NRP1: variants seen among roughly 807,000 people sequenced by gnomAD.
The protein encoded by NRP1 is neuropilin-1.
Under a neutral mutation model 106.7 loss-of-function variants are expected in NRP1, and 35 were observed. The observed-to-expected ratio is 0.33, with a 90% CI of 0.25 to 0.43. NRP1 has a LOEUF of 0.43. Ranked by LOEUF, NRP1 falls within the 20% of genes least tolerant of loss-of-function variation. NRP1 has a pLI of 1.00. For missense variants in NRP1, 1,024 were observed against 1,170.4 expected, an observed-to-expected ratio of 0.87 and a Z score of 1.83; for synonymous variants, 437 against 417.9, an observed-to-expected ratio of 1.05 and a Z score of -0.56.
At chr10:33,266,106 A>T (rs2133262006) in intron 3 of NRP1, among the ~76,000 whole-genome samples, 1 of 152,298 alleles carries the variant, frequency 6.6e-6, no homozygotes, top group South Asian at 2.1e-4. Flanking sequence ...GGTTTCATGC[A>T]GATACTAATA....
chr10:33,297,007 TA>T (rs1443814095), intron 2 of NRP1, among the ~76,000 whole-genome samples: 1 of 151,806 alleles, frequency 6.6e-6, no homozygotes, highest in East Asian at 1.9e-4. Context: ...AAAAAAAGAA[TA>T]AAAAACCAAT....
In NRP1 at chr10:33,263,697, C is replaced by A; in HGVS notation, c.607G>T (p.Gly203Trp). The A allele has an allele frequency of 6.2e-7, 1 of 1,614,098 alleles. No homozygotes were observed. The highest frequency in any genetic ancestry group is 1.1e-5 in the South Asian group (1 of 91,078). ...AGCCGGTCGTAGCGACAGAACATCC[C>A]CCCTGGAGGATTTGAGTCAGGCTCC... ...DLEPDSNPPG[G>W]MFCRYDRLEI... The change falls in exon 4 of 17, where the codon GGG (glycine) becomes TGG (tryptophan). Residue 203 changes from glycine to tryptophan, a missense_variant. Gly to Trp is a radical substitution (Grantham distance 184). Transcript: ENST00000374867.
rs190579425 is a variant in NRP1 at position 33,312,068 on chromosome 10, G to A, written c.248+18640C>T. Among the ~76,000 whole-genome samples, 966 of 152,272 alleles carry A rather than the reference G, an allele frequency of 6.3e-3. 8 individuals are homozygous for A. The highest frequency in any genetic ancestry group is 7.9e-3 in the Non-Finnish European group (535 of 68,018). On this transcript the variant is annotated intron_variant, in intron 2 of 16. Coordinates refer to ENST00000374867, the MANE Select transcript of NRP1 (RefSeq NM_003873.7). ...TTGCTTTAACAAAAATATGGCTCAG[G>A]AGGACCAAATGGAGGAGAAAAGTGC...
chr10:33,214,006 G>C (rs1838546151), intron 8 of NRP1, among the ~76,000 whole-genome samples: 1 of 152,048 alleles, frequency 6.6e-6, no homozygotes, highest in Non-Finnish European at 1.5e-5. Flanking sequence ...CAGTCTCTTT[G>C]GTATCCAGAA....
chr10:33,303,938 C>A (rs938588798), intron 2 of NRP1, among the ~76,000 whole-genome samples: 2 of 152,186 alleles, frequency 1.3e-5, no homozygotes, highest in African/African-American at 4.8e-5. Flanking sequence ...CTCTGATTAA[C>A]ATCAAATAAT....
intron 2 of NRP1, among the ~76,000 whole-genome samples, chr10:33,280,474 C>T (rs1844038727): frequency 6.6e-6 from 1 of 152,070 alleles, no homozygotes. Context: ...AACTTGTTCA[C>T]CTCCCTATTT....
intron 2 of NRP1, among the ~76,000 whole-genome samples, chr10:33,328,291 T>G (rs890206778): frequency 2.7e-4 from 41 of 152,208 alleles, no homozygotes; most frequent in Non-Finnish European, 4.9e-4. Flanking sequence ...TAAGGTTTAC[T>G]GTGAGCTAGA....
Position 33,226,308 on chromosome 10 carries a change from C to T in NRP1, c.982-19G>A, listed in dbSNP as rs778973864. 9 of 1,613,542 alleles carry T rather than the reference C, an allele frequency of 5.6e-6. No individual in the cohort carries two copies. The highest frequency in any genetic ancestry group is 4.0e-5 in the African/African-American group (3 of 74,926). ...AGTCTACCTGCAAGACAAGTACAAGCGTGGTCAGTGCACCATCCCTGCAGC... is the reference window on the plus strand; with the variant it reads ...AGTCTACCTGCAAGACAAGTACAAGTGTGGTCAGTGCACCATCCCTGCAGC... On this transcript the variant is annotated intron_variant, in intron 6 of 16. Coordinates refer to ENST00000374867, the MANE Select transcript of NRP1 (RefSeq NM_003873.7).
At chr10:33,227,740 G>C (rs1839785292) in intron 6 of NRP1, among the ~76,000 whole-genome samples, 1 of 152,158 alleles carries the variant, frequency 6.6e-6, no homozygotes, top group Non-Finnish European at 1.5e-5. Context: ...GAAATCTCGA[G>C]GGTCTGTGTT....
At chr10:33,281,499 T>A (rs761095868) in intron 2 of NRP1, among the ~76,000 whole-genome samples, 16 of 152,150 alleles carry the variant, frequency 1.1e-4, no homozygotes, top group Non-Finnish European at 1.6e-4. Context: ...GCTCCTCCAT[T>A]AAGAAGGATC....
At chr10:33,290,358 T>G (rs1844905676) in intron 2 of NRP1, among the ~76,000 whole-genome samples, 1 of 151,738 alleles carries the variant, frequency 6.6e-6, no homozygotes, top group Admixed American at 6.6e-5. Flanking sequence ...GTTTTTTTTT[T>G]TTTTTTTTTA....
intron 2 of NRP1, among the ~76,000 whole-genome samples, chr10:33,286,755 A>T (rs1588923265): frequency 1.3e-5 from 2 of 152,132 alleles, no homozygotes; most frequent in South Asian, 2.1e-4. Flanking sequence ...AGAGAACATG[A>T]CTATTTTTAT....
chr10:33,239,997 T>C (rs1840890004), intron 6 of NRP1, among the ~76,000 whole-genome samples: 1 of 152,220 alleles, frequency 6.6e-6, no homozygotes, highest in South Asian at 2.1e-4. Flanking sequence ...TATGATCTTT[T>C]ATAAGTTGTT....
At chr10:33,330,420 G>T (rs1343957829) in intron 2 of NRP1, among the ~76,000 whole-genome samples, 1 of 150,260 alleles carries the variant, frequency 6.7e-6, no homozygotes, top group Non-Finnish European at 1.5e-5. Flanking sequence ...AAAGAAAAAA[G>T]AAACATACAT....
intron 8 of NRP1, among the ~76,000 whole-genome samples, chr10:33,219,270 A>C (rs771575101): frequency 9.2e-5 from 14 of 152,188 alleles, no homozygotes; most frequent in African/African-American, 1.7e-4. Context: ...CAGAAAACGG[A>C]GATCAGAGTG....
chr10:33,259,158 A>T (rs960974045), intron 4 of NRP1, among the ~76,000 whole-genome samples: 1 of 152,188 alleles, frequency 6.6e-6, no homozygotes, highest in Non-Finnish European at 1.5e-5. Flanking sequence ...TCTTTGAAAG[A>T]GAAAACAGAA....
chr10:33,209,919 G>A (rs1210301544), intron 9 of NRP1, among the ~76,000 whole-genome samples: 2 of 152,212 alleles, frequency 1.3e-5, no homozygotes, highest in South Asian at 2.1e-4. Context: ...GTGGCTGGCC[G>A]GCCCCAGGCC....
intron 2 of NRP1, among the ~76,000 whole-genome samples, chr10:33,315,138 A>G (rs1306590314): frequency 6.6e-6 from 1 of 152,220 alleles, no homozygotes; most frequent in African/African-American, 2.4e-5. Context: ...TTCAACTCCA[A>G]AACAGATTAT....
chr10:33,328,783 C>T (rs967036828), intron 2 of NRP1, among the ~76,000 whole-genome samples: 12 of 152,140 alleles, frequency 7.9e-5, no homozygotes, highest in Non-Finnish European at 1.6e-4. Flanking sequence ...GGACTTGACT[C>T]GTCTTCTCCA....
Sources: gnomAD v4.1 joint callset for allele counts (sites outside exome capture counted in the v4.1 genomes callset) on GRCh38, gnomAD v4.1.1 for gene constraint, MANE v1.5 for transcripts, NCBI Gene and HGNC (gene_info 2026-07-23, HGNC 2026-07-21) for gene names.